The following ZMYM4 variants were observed in gnomAD, a reference collection of about 807,000 sequenced individuals.
ZMYM4 encodes zinc finger MYM-type containing 4, also known as zinc finger MYM-type protein 4.
In ZMYM4, 31 loss-of-function variants were observed where a neutral mutation model predicts 183.2. The ratio of observed to expected loss-of-function variants is 0.17; its 90% CI spans 0.13 to 0.23. The LOEUF (loss-of-function observed/expected upper bound fraction) is 0.23. ZMYM4 is among the 10% of genes least tolerant of loss of function. The pLI, the probability that ZMYM4 is intolerant of heterozygous loss-of-function variation, is 1.00. For synonymous variants in ZMYM4, 592 were observed against 631.2 expected (o/e 0.94, Z 0.93); for missense variants, 1,273 against 1,840.3 (o/e 0.69, Z 5.64).
At chr1:35,306,491 T>G (rs957850378) in intron 1 of ZMYM4, among the ~76,000 whole-genome samples, 1 of 152,148 alleles carries the variant, frequency 6.6e-6, no homozygotes, top group African/African-American at 2.4e-5. Context: ...TAACCTACCT[T>G]CTTTTTGTTT....
intron 2 of ZMYM4, among the ~76,000 whole-genome samples, chr1:35,340,007 C>T (rs913212003): frequency 6.6e-6 from 1 of 152,164 alleles, no homozygotes; most frequent in Non-Finnish European, 1.5e-5. Flanking sequence ...TGTAATAATT[C>T]TTAATAATCT....
At chr1:35,374,262 G>A (rs1042626580) in intron 7 of ZMYM4, among the ~76,000 whole-genome samples, 8 of 151,198 alleles carry the variant, frequency 5.3e-5, no homozygotes, top group African/African-American at 1.5e-4. Context: ...TCAAACTCCC[G>A]ACCTCAGATG....
At chr1:35,418,869 A>G (rs928594342) in intron 29 of ZMYM4, among the ~76,000 whole-genome samples, 1 of 152,240 alleles carries the variant, frequency 6.6e-6, no homozygotes, top group Non-Finnish European at 1.5e-5. Flanking sequence ...TGTTATTTGT[A>G]TAGAAAAGAA....
At chr1:35,399,791 A>G (rs1300065989) in intron 23 of ZMYM4, among the ~76,000 whole-genome samples, 1 of 151,896 alleles carries the variant, frequency 6.6e-6, no homozygotes, top group East Asian at 1.9e-4. Context: ...GTTTTCTTTT[A>G]TATTGCTTTG....
At chr1:35,337,883 G>A (rs1330973697) in intron 2 of ZMYM4, among the ~76,000 whole-genome samples, 1 of 152,160 alleles carries the variant, frequency 6.6e-6, no homozygotes, top group African/African-American at 2.4e-5. Flanking sequence ...AGGTTGCAGT[G>A]AGCCAGGATT....
chr1:35,394,940 C>G (rs978065314), intron 18 of ZMYM4, among the ~76,000 whole-genome samples: 7 of 151,994 alleles, frequency 4.6e-5, no homozygotes, highest in African/African-American at 1.2e-4. Context: ...ATAGCGAGAC[C>G]ATCTCTACTA....
intron 5 of ZMYM4, among the ~76,000 whole-genome samples, chr1:35,363,943 T>C (rs1446175132): frequency 2.6e-5 from 4 of 152,140 alleles, no homozygotes; most frequent in African/African-American, 9.7e-5. Flanking sequence ...TTGAACCATG[T>C]GACACTTCCT....
intron 9 of ZMYM4, among the ~76,000 whole-genome samples, chr1:35,382,165 T>A (rs76091022): frequency 1.5e-5 from 2 of 134,724 alleles, no homozygotes; most frequent in Non-Finnish European, 1.5e-5. Context: ...AAAACAAAAA[T>A]GTATATATAC....
chr1:35,366,466 A>G (rs1644082724), intron 5 of ZMYM4, among the ~76,000 whole-genome samples: 1 of 152,198 alleles, frequency 6.6e-6, no homozygotes, highest in African/African-American at 2.4e-5. Flanking sequence ...TAATGGAAAA[A>G]GGGAAATAAA....
chr1:35,287,754 C>T (rs1045600074), intron 1 of ZMYM4, among the ~76,000 whole-genome samples: 2 of 151,910 alleles, frequency 1.3e-5, no homozygotes, highest in Non-Finnish European at 2.9e-5. Context: ...TACAGGCATG[C>T]GCCACCATGC....
intron 2 of ZMYM4, among the ~76,000 whole-genome samples, chr1:35,346,650 C>CAAAAAAAAAAAAAAAAAAA (rs746472685): frequency 3.7e-5 from 2 of 54,178 alleles, no homozygotes; most frequent in East Asian, 3.3e-4. Flanking sequence ...GACTCCATCT[C>CAAAAAAAAAAAAAAAAAAA]AAAAAAAAAA....
chr1:35,313,647 C>T lies in ZMYM4; in HGVS notation c.40-11713C>T, dbSNP rs186043580. On this transcript the variant is annotated intron_variant, in intron 1 of 29. Transcript: ENST00000314607. ...CAGGTGATCCACCCAGGTTGGCCTC[C>T]CAAAGTGTTGAGATTACAGGTGTGA... Among the ~76,000 whole-genome samples, 47 of 152,164 alleles carry T rather than the reference C, an allele frequency of 3.1e-4. 1 individual carries two copies. The Middle Eastern group carries it at 0.01, about 33-fold the overall frequency.
chr1:35,279,315 T>C (rs1244868448), intron 1 of ZMYM4, among the ~76,000 whole-genome samples: 2 of 152,222 alleles, frequency 1.3e-5, no homozygotes, highest in Non-Finnish European at 2.9e-5. Flanking sequence ...GGTATGATAT[T>C]CTTTAAAACC....
intron 1 of ZMYM4, among the ~76,000 whole-genome samples, chr1:35,319,580 G>T (rs1184698319): frequency 1.3e-5 from 2 of 152,106 alleles, no homozygotes; most frequent in African/African-American, 4.8e-5. Flanking sequence ...CCATGATCAT[G>T]TTACTGCATT....
At chr1:35,290,987 ATAATT>A (rs1640732496) in intron 1 of ZMYM4, among the ~76,000 whole-genome samples, 2 of 152,250 alleles carry the variant, frequency 1.3e-5, no homozygotes, top group South Asian at 4.1e-4. Flanking sequence ...TTATTACAGT[ATAATT>A]TATATAGAGT....
chr1:35,387,240 C>T lies in ZMYM4; in HGVS notation c.2074C>T (p.Arg692Cys), dbSNP rs1216191468. 7 of 1,613,984 alleles carry T rather than the reference C, an allele frequency of 4.3e-6. No homozygotes were observed. The highest frequency in any genetic ancestry group is 1.3e-5 in the African/African-American group (1 of 74,928). Residue 692 changes from arginine (R) to cysteine (C), a missense_variant, in exon 12 of 30, where the codon CGT (arginine) becomes TGT (cysteine). Transcript: ENST00000314607. ...VVKLKCQHCN[R>C]LFATKPELLD... is the part of the protein sequence containing the mutation. ...GAAACTCAAATGTCAACACTGTAAC[C>T]GTCTTTTTGCCACAAAACCAGAACT...
intron 13 of ZMYM4, among the ~76,000 whole-genome samples, chr1:35,388,227 CAG>C (rs1018218195): frequency 6.6e-6 from 1 of 152,064 alleles, no homozygotes; most frequent in African/African-American, 2.4e-5. Context: ...TTTTTTGAGA[CAG>C]AGTCTTGCTT....
At chr1:35,279,342 A>G (rs1159231533) in intron 1 of ZMYM4, among the ~76,000 whole-genome samples, 4 of 152,170 alleles carry the variant, frequency 2.6e-5, no homozygotes, top group Admixed American at 2.0e-4. Flanking sequence ...GTCTCCTTAC[A>G]TATCAAGGGG....
chr1:35,324,271 A>G (rs1307451664), intron 1 of ZMYM4, among the ~76,000 whole-genome samples: 4 of 151,540 alleles, frequency 2.6e-5, no homozygotes, highest in African/African-American at 9.7e-5. Flanking sequence ...ATCTTTTCCA[A>G]CTTTTTGTCT....
Sources: allele counts gnomAD v4.1 joint callset (sites outside exome capture counted in the v4.1 genomes callset), GRCh38; gene constraint gnomAD v4.1.1; transcripts MANE v1.5; gene names NCBI Gene and HGNC (gene_info 2026-07-23, HGNC 2026-07-21).